TMEM63C: variants seen among roughly 807,000 people sequenced by gnomAD.
TMEM63C encodes osmosensitive cation channel TMEM63C.
TMEM63C carries 32 observed loss-of-function variants against 99.2 expected under a neutral mutation model. The observed-to-expected ratio is 0.32, with a 90% confidence interval of 0.24 to 0.43. The LOEUF (loss-of-function observed/expected upper bound fraction) is 0.43. Among genes scored for constraint, TMEM63C ranks in the 20% least tolerant of loss-of-function variants. The pLI, the probability that TMEM63C is intolerant of heterozygous loss-of-function variation, is 1.00. For missense variants in TMEM63C, 826 were observed against 1,053.0 expected (o/e 0.78, Z 2.98); for synonymous variants, 376 against 397.9 (o/e 0.94, Z 0.66).
At chr14:77,204,395 G>C (rs1888360897) in intron 1 of TMEM63C, among the ~76,000 whole-genome samples, 1 of 152,212 alleles carries the variant, frequency 6.6e-6, no homozygotes, top group African/African-American at 2.4e-5. Context: ...CTCACCAGCA[G>C]CTCCCTTTGT....
intron 17 of TMEM63C, 141 bp downstream of exon 17, chr14:77,246,167 C>A: frequency 1.4e-6 from 1 of 722,078 alleles, no homozygotes; most frequent in Non-Finnish European, 2.5e-6. Context: ...ATGGGTGTAG[C>A]ATGAGCCGGG....
At chr14:77,226,430 G>A (rs760949212) in intron 6 of TMEM63C, among the ~76,000 whole-genome samples, 3 of 152,230 alleles carry the variant, frequency 2.0e-5, no homozygotes, top group African/African-American at 7.2e-5. Flanking sequence ...AAACCCATGC[G>A]GTCTGGTTGG....
chr14:77,206,988 GTCC>G (rs1294755583), intron 1 of TMEM63C, among the ~76,000 whole-genome samples: 1 of 151,704 alleles, frequency 6.6e-6, no homozygotes, highest in Admixed American at 6.6e-5. Context: ...GAAGTCACCT[GTCC>G]TCCTCCCCGT....
Position 77,220,005 on chromosome 14 carries a change from G to A in TMEM63C, c.231-1G>A. On this transcript the variant is annotated splice_acceptor_variant, in intron 4 of 23. Coordinates refer to ENST00000298351, the MANE Select transcript of TMEM63C (RefSeq NM_020431.4). LOFTEE classifies it high-confidence loss of function. ...CTCCCTGCCCCTTCCCTGGCTGGCA[G>A]CCTGACCTCGCTGATCTATGGGGAG... is the stretch of plus-strand genomic sequence containing the variant. The A allele has an allele frequency of 6.4e-7, 1 of 1,557,276 alleles. No individual in the cohort carries two copies. The highest frequency in any genetic ancestry group is 8.7e-7 in the Non-Finnish European group (1 of 1,150,296).
chr14:77,234,352 C>T (rs967160507), intron 8 of TMEM63C, among the ~76,000 whole-genome samples: 1 of 152,206 alleles, frequency 6.6e-6, no homozygotes, highest in African/African-American at 2.4e-5. Context: ...ATGGCATCCT[C>T]TCACCTCTGC....
chr14:77,183,831 G>T (rs1887952430), intron 1 of TMEM63C, among the ~76,000 whole-genome samples: 1 of 152,184 alleles, frequency 6.6e-6, no homozygotes, highest in Non-Finnish European at 1.5e-5. Context: ...ATGAGAACTA[G>T]CTGCTTGTGG....
chr14:77,181,813 G>C lies in TMEM63C; in HGVS notation c.-158G>C, dbSNP rs1010109450. On this transcript the variant is annotated 5_prime_UTR_variant, in exon 1 of 24. Transcript: ENST00000298351. Reference sequence around the variant, plus strand: ...ACCCGCTGGCAGTCTCCTCCCAGGTGGGGAGCGTGGAGCCTGTCACTGCAG... The same window carrying C: ...ACCCGCTGGCAGTCTCCTCCCAGGTCGGGAGCGTGGAGCCTGTCACTGCAG... The C allele has an allele frequency of 6.6e-6, 1 of 152,362 alleles. No individual in the cohort carries two copies. The highest frequency in any genetic ancestry group is 2.4e-5 in the African/African-American group (1 of 41,460). 9.4% of individuals were successfully genotyped at this position (152,362 alleles called of 1,614,324 possible).
intron 15 of TMEM63C, among the ~76,000 whole-genome samples, chr14:77,243,739 A>G (rs1889220337): frequency 6.6e-6 from 1 of 152,086 alleles, no homozygotes; most frequent in Non-Finnish European, 1.5e-5. Context: ...CGCCATCCTC[A>G]TTTCCAACAA....
chr14:77,227,352 T>C (rs550352849), intron 6 of TMEM63C, among the ~76,000 whole-genome samples: 15 of 151,980 alleles, frequency 9.9e-5, no homozygotes, highest in African/African-American at 3.4e-4. Flanking sequence ...AGTCAGTAGG[T>C]TGTGGCCTAG....
intron 1 of TMEM63C, among the ~76,000 whole-genome samples, chr14:77,204,645 G>A (rs537537061): frequency 1.7e-4 from 26 of 152,342 alleles, no homozygotes; most frequent in East Asian, 1.2e-3. Flanking sequence ...GGAGTCAGCC[G>A]TCTGCTACGT....
At position 77,218,759 on chromosome 14, in the gene TMEM63C, A is replaced by G. The variant is rs778419663; in HGVS notation, c.-13-42A>G. The G allele has an allele frequency of 3.1e-6, 5 of 1,602,166 alleles. No individual in the cohort carries two copies. In the South Asian group the frequency reaches 3.4e-5, roughly 11 times the overall value. Reference sequence around the variant, plus strand: ...GGGCTTCTGTGTTTTGCAAAATGCAAGGGAGTCTTTGCATCTGACCTGGAT... The same window carrying G: ...GGGCTTCTGTGTTTTGCAAAATGCAGGGGAGTCTTTGCATCTGACCTGGAT... On this transcript the variant is annotated intron_variant, in intron 2 of 23. Coordinates refer to ENST00000298351, the MANE Select transcript of TMEM63C (RefSeq NM_020431.4).
At chr14:77,216,125 A>AGG (rs1555347280) in intron 2 of TMEM63C, among the ~76,000 whole-genome samples, 4 of 19,290 alleles carry the variant, frequency 2.1e-4, no homozygotes, top group African/African-American at 3.7e-4. Flanking sequence ...GGAAGGAGGG[A>AGG]GGGAGAGAGA....
At chr14:77,193,609 C>A (rs1485513749) in intron 1 of TMEM63C, among the ~76,000 whole-genome samples, 1 of 151,946 alleles carries the variant, frequency 6.6e-6, no homozygotes, top group African/African-American at 2.4e-5. Flanking sequence ...TCGAGGCGGG[C>A]GGATCACCTG....
At chr14:77,223,369 G>C (rs536204733) in intron 5 of TMEM63C, among the ~76,000 whole-genome samples, 1 of 135,456 alleles carries the variant, frequency 7.4e-6, no homozygotes, top group South Asian at 2.4e-4. Context: ...AGCCAGGATG[G>C]GGAGCCTTCA....
chr14:77,208,610 T>G (rs938792174), intron 1 of TMEM63C, among the ~76,000 whole-genome samples: 1 of 152,190 alleles, frequency 6.6e-6, no homozygotes, highest in Non-Finnish European at 1.5e-5. Flanking sequence ...AAATGTACCT[T>G]TTAACTTTCC....
chr14:77,206,042 T>C (rs895337460), intron 1 of TMEM63C, among the ~76,000 whole-genome samples: 2 of 152,162 alleles, frequency 1.3e-5, no homozygotes, highest in African/African-American at 2.4e-5. Flanking sequence ...AGAGTGCACA[T>C]AGGCCCTCCG....
chr14:77,191,348 C>G (rs74070740), intron 1 of TMEM63C, among the ~76,000 whole-genome samples: 2 of 152,086 alleles, frequency 1.3e-5, no homozygotes, highest in Non-Finnish European at 2.9e-5. Flanking sequence ...TGTGTGGCCA[C>G]TGTCCTATTC....
chr14:77,184,638 T>A (rs928217401), intron 1 of TMEM63C, among the ~76,000 whole-genome samples: 1 of 152,200 alleles, frequency 6.6e-6, no homozygotes, highest in South Asian at 2.1e-4. Context: ...TCCAGTGAGA[T>A]CAGCAGCTTT....
intron 8 of TMEM63C, 57 bp from the exon 9 acceptor site, chr14:77,236,567 A>C: frequency 1.6e-6 from 2 of 1,250,356 alleles, no homozygotes; most frequent in Non-Finnish European, 2.3e-6. Flanking sequence ...GTCTCTGTGC[A>C]GTGGGCTCTG....
Sources: gnomAD v4.1 joint callset for allele counts (sites outside exome capture counted in the v4.1 genomes callset) on GRCh38, gnomAD v4.1.1 for gene constraint, MANE v1.5 for transcripts, NCBI Gene and HGNC (gene_info 2026-07-23, HGNC 2026-07-21) for gene names.